Variants in FNBP1L observed in about 807,000 individuals in gnomAD.
The protein encoded by FNBP1L is formin binding protein 1 like, also known as formin-binding protein 1-like.
In FNBP1L, 36 loss-of-function variants were observed where a neutral mutation model predicts 91.2. The observed-to-expected ratio is 0.39, with a 90% CI of 0.30 to 0.52. FNBP1L has a LOEUF of 0.52. Ranked by LOEUF, FNBP1L falls within the 20% of genes least tolerant of loss-of-function variation. FNBP1L has a pLI of 0.66. For missense variants in FNBP1L, 571 were observed against 732.1 expected (o/e 0.78, Z 2.54); for synonymous variants, 242 against 237.0 (o/e 1.02, Z -0.19).
intron 1 of FNBP1L, among the ~76,000 whole-genome samples, chr1:93,492,290 CAAG>C (rs1226689488): frequency 6.6e-6 from 1 of 151,698 alleles, no homozygotes; most frequent in East Asian, 1.9e-4. Context: ...GAGATAACAA[CAAG>C]AAGAGAAAAG....
intron 2 of FNBP1L, among the ~76,000 whole-genome samples, chr1:93,511,883 G>A (rs941251185): frequency 8.7e-5 from 13 of 148,938 alleles, no homozygotes; most frequent in East Asian, 2.0e-4. Flanking sequence ...GGAGAATGGC[G>A]TGAACCCGGG....
chr1:93,471,021 A>G (rs1007650910), intron 1 of FNBP1L, among the ~76,000 whole-genome samples: 3 of 152,190 alleles, frequency 2.0e-5, no homozygotes, highest in Admixed American at 6.5e-5. Context: ...AATAATTGCA[A>G]TATTATTCTT....
intron 1 of FNBP1L, among the ~76,000 whole-genome samples, chr1:93,459,807 C>G (rs980378299): frequency 6.6e-6 from 1 of 152,068 alleles, no homozygotes; most frequent in Non-Finnish European, 1.5e-5. Context: ...AGTCAAGATA[C>G]GGGATTGCTA....
In FNBP1L at chr1:93,553,222, CAG is replaced by C. The variant is rs528561841; in HGVS notation, c.*808_*809del. On this transcript the variant is annotated 3_prime_UTR_variant, in exon 17 of 17. Transcript: ENST00000271234. ...CACTGAAATCCTGGCATAATAAACA[CAG>C]AAGATATTCACCACCTCAAGACAAA... is the stretch of plus-strand genomic sequence containing the variant. 3 of 152,654 alleles carry C rather than the reference CAG, an allele frequency of 2.0e-5. No homozygotes were observed. Among genetic ancestry groups the C allele is most frequent in the Non-Finnish European group, 4.4e-5 (3 of 68,052 alleles). 9.5% of individuals were successfully genotyped at this position (152,654 alleles called of 1,614,324 possible).
At chr1:93,503,444 G>A (rs1670502868) in intron 2 of FNBP1L, among the ~76,000 whole-genome samples, 2 of 152,132 alleles carry the variant, frequency 1.3e-5, no homozygotes, top group African/African-American at 4.8e-5. Flanking sequence ...TATTCCTGAT[G>A]TTAAGCAATT....
At chr1:93,542,391 A>C (rs1672075016) in intron 11 of FNBP1L, among the ~76,000 whole-genome samples, 1 of 131,632 alleles carries the variant, frequency 7.6e-6, no homozygotes, top group South Asian at 2.7e-4. Context: ...CCATTGATTT[A>C]TTTAGGCCAG....
At chr1:93,514,371 C>T (rs1368417739) in intron 2 of FNBP1L, among the ~76,000 whole-genome samples, 1 of 150,850 alleles carries the variant, frequency 6.6e-6, no homozygotes, top group African/African-American at 2.4e-5. Context: ...CAATGCCATC[C>T]CCATCAAGCT....
chr1:93,460,940 C>T (rs952247939), intron 1 of FNBP1L, among the ~76,000 whole-genome samples: 14 of 152,132 alleles, frequency 9.2e-5, no homozygotes, highest in African/African-American at 2.9e-4. Context: ...ATAATTTTTA[C>T]TTGTCAATTA....
At chr1:93,457,917 G>A (rs1481293267) in intron 1 of FNBP1L, among the ~76,000 whole-genome samples, 2 of 151,058 alleles carry the variant, frequency 1.3e-5, no homozygotes, top group Non-Finnish European at 3.0e-5. Context: ...TCAGCCTCCC[G>A]AGTAGCTGGG....
At chr1:93,530,640 T>G (rs528793700) in intron 6 of FNBP1L, 115 bp from the exon 7 acceptor site, 3 of 1,080,066 alleles carry the variant, frequency 2.8e-6, no homozygotes, top group Middle Eastern at 3.0e-4. Context: ...TCATTATTCT[T>G]TTGATGTCAG....
chr1:93,475,538 C>A (rs1163157429), intron 1 of FNBP1L, among the ~76,000 whole-genome samples: 3 of 151,882 alleles, frequency 2.0e-5, no homozygotes, highest in Non-Finnish European at 4.4e-5. Context: ...GACCCTGTCT[C>A]AAAAAAACTC....
intron 1 of FNBP1L, among the ~76,000 whole-genome samples, chr1:93,493,477 G>C (rs1670163577): frequency 6.6e-6 from 1 of 152,108 alleles, no homozygotes; most frequent in Non-Finnish European, 1.5e-5. Context: ...TAAATCTCCA[G>C]AATGATCTTC....
chr1:93,487,333 C>G (rs1049001882), intron 1 of FNBP1L, among the ~76,000 whole-genome samples: 5 of 152,014 alleles, frequency 3.3e-5, no homozygotes, highest in African/African-American at 1.2e-4. Context: ...TCTTTTCATC[C>G]AAGAAAGCCT....
intron 1 of FNBP1L, among the ~76,000 whole-genome samples, chr1:93,455,185 C>G (rs1033930669): frequency 2.0e-5 from 3 of 152,192 alleles, no homozygotes; most frequent in Admixed American, 2.0e-4. Flanking sequence ...GCCTCGGCCT[C>G]CCAGAGTGCT....
At position 93,511,629 on chromosome 1, in the gene FNBP1L, C is replaced by T. The variant is rs545944504; in HGVS notation, c.141-10453C>T. Reference sequence around the variant, plus strand: ...AATATTAACTTTAAATGTAAATGGACTAAATGCTCCAATTAAAAGACACAG... The same window carrying T: ...AATATTAACTTTAAATGTAAATGGATTAAATGCTCCAATTAAAAGACACAG... On this transcript the variant is annotated intron_variant, in intron 2 of 16. Transcript: ENST00000271234. 1.1e-3 allele frequency among the ~76,000 whole-genome samples: 162 copies of T among 152,286 alleles called. 1 individual carries two copies. Among genetic ancestry groups the T allele is most frequent in the Non-Finnish European group, 1.8e-3 (122 of 68,026 alleles).
intron 15 of FNBP1L, among the ~76,000 whole-genome samples, chr1:93,550,554 C>G (rs1672375446): frequency 6.6e-6 from 1 of 152,138 alleles, no homozygotes; most frequent in South Asian, 2.1e-4. Flanking sequence ...TTTCTTCCTG[C>G]TCTTTTGCTA....
At chr1:93,494,405 G>T (rs1670197135) in intron 1 of FNBP1L, among the ~76,000 whole-genome samples, 1 of 152,112 alleles carries the variant, frequency 6.6e-6, no homozygotes, top group Non-Finnish European at 1.5e-5. Flanking sequence ...CCATTACATA[G>T]GTATGATTGA....
chr1:93,531,058 C>G (rs1024289208), intron 7 of FNBP1L, among the ~76,000 whole-genome samples, 175 bp downstream of exon 7: 6 of 152,190 alleles, frequency 3.9e-5, no homozygotes, highest in South Asian at 2.1e-4. Flanking sequence ...TTAAGTCACA[C>G]ATTTTCCTAC....
chr1:93,509,641 C>T (rs2101735051), intron 2 of FNBP1L, among the ~76,000 whole-genome samples: 1 of 152,352 alleles, frequency 6.6e-6, no homozygotes, highest in Non-Finnish European at 1.5e-5. Context: ...CTCCGGTCTA[C>T]AGCTCCCAGC....
Sources: allele counts gnomAD v4.1 joint callset (sites outside exome capture counted in the v4.1 genomes callset), GRCh38; gene constraint gnomAD v4.1.1; transcripts MANE v1.5; gene names NCBI Gene and HGNC (gene_info 2026-07-23, HGNC 2026-07-21).